Variants in ADGRV1 observed in about 807,000 individuals in gnomAD.
ADGRV1 encodes adhesion G protein-coupled receptor V1.
A neutral mutation model predicts 596.2 loss-of-function variants in ADGRV1; 359 were observed. The ratio of observed to expected loss-of-function variants is 0.60; its 90% CI spans 0.55 to 0.66. ADGRV1 has a LOEUF of 0.66. Among genes scored for constraint, ADGRV1 ranks in the 30% least tolerant of loss-of-function variants. ADGRV1 has a pLI of 0.00. For synonymous variants in ADGRV1, 2,681 were observed against 2,679.2 expected (o/e 1.00, Z -0.02); for missense variants, 7,274 against 7,575.6 (o/e 0.96, Z 1.48).
At chr5:90,581,511 G>C (rs1005190963) in intron 1 of ADGRV1, among the ~76,000 whole-genome samples, 2 of 152,162 alleles carry the variant, frequency 1.3e-5, no homozygotes, top group African/African-American at 4.8e-5. Flanking sequence ...TAACAGTCAA[G>C]TCCCTCATCT....
intron 68 of ADGRV1, 63 bp from the exon 69 acceptor site, chr5:90,789,639 G>A (rs572298319): frequency 3.3e-5 from 32 of 959,074 alleles, no homozygotes; most frequent in Middle Eastern, 3.1e-4. Context: ...TTAATATGTT[G>A]GATACTATAA....
intron 83 of ADGRV1, among the ~76,000 whole-genome samples, chr5:90,866,223 C>G (rs560740286): frequency 1.6e-4 from 24 of 152,032 alleles, no homozygotes; most frequent in African/African-American, 5.3e-4. Flanking sequence ...GTCCGTGAAT[C>G]AGAAAGTCAG....
intron 50 of ADGRV1, among the ~76,000 whole-genome samples, chr5:90,743,987 C>T (rs1272546653): frequency 2.0e-5 from 1 of 49,402 alleles, no homozygotes; most frequent in Non-Finnish European, 3.8e-5. Flanking sequence ...ACCCTATTAA[C>T]TGATATATAT....
intron 85 of ADGRV1, among the ~76,000 whole-genome samples, chr5:90,985,997 A>G (rs1168346136): frequency 6.6e-6 from 1 of 151,738 alleles, no homozygotes; most frequent in Non-Finnish European, 1.5e-5. Context: ...ACAAGACAAG[A>G]TCACCTTGGT....
At position 90,774,320 on chromosome 5, in the gene ADGRV1, T is replaced by C; in HGVS notation, c.12403+17T>C. On this transcript the variant is annotated intron_variant, in intron 60 of 89. Coordinates refer to ENST00000405460, the MANE Select transcript of ADGRV1 (RefSeq NM_032119.4). ...CAGTAAAAGGTAAGAGAAATTCACA[T>C]TTTTGGAAATTAAAAAGTAAATTCT... The C allele has an allele frequency of 1.5e-6, 2 of 1,378,230 alleles. No homozygotes were observed. The highest frequency in any genetic ancestry group is 2.1e-6 in the Non-Finnish European group (2 of 968,588). 85.4% of individuals were successfully genotyped at this position (1,378,230 alleles called of 1,614,324 possible). A position where few individuals can be genotyped will look rare whatever the true frequency, so the allele number is the denominator to read the frequency against.
At chr5:91,009,635 A>G (rs1782564376) in intron 85 of ADGRV1, among the ~76,000 whole-genome samples, 1 of 151,364 alleles carries the variant, frequency 6.6e-6, no homozygotes, top group Non-Finnish European at 1.5e-5. Flanking sequence ...TCTAAAAGCT[A>G]TAACTTTTGA....
At chr5:90,568,383 T>C (rs1755933766) in intron 1 of ADGRV1, among the ~76,000 whole-genome samples, 1 of 152,182 alleles carries the variant, frequency 6.6e-6, no homozygotes, top group Admixed American at 6.5e-5. Context: ...TTTGGTCATT[T>C]AGGAGTGTGC....
At chr5:90,954,814 A>T (rs6875416) in intron 83 of ADGRV1, among the ~76,000 whole-genome samples, 26,503 of 152,100 alleles carry the variant, frequency 0.17, 2,543 homozygotes, top group Non-Finnish European at 0.21. Context: ...TTTGTGGCTT[A>T]GGAAGCAGAG....
chr5:91,095,534 G>A (rs907328895), intron 86 of ADGRV1, among the ~76,000 whole-genome samples: 1 of 152,070 alleles, frequency 6.6e-6, no homozygotes, highest in African/African-American at 2.4e-5. Flanking sequence ...TATTTGCTGA[G>A]AACAGTGGGG....
At chr5:90,668,643 GT>G (rs926925427) in intron 21 of ADGRV1, among the ~76,000 whole-genome samples, 1 of 151,794 alleles carries the variant, frequency 6.6e-6, no homozygotes, top group African/African-American at 2.4e-5. Flanking sequence ...CCCCCTGGTA[GT>G]TTTTTTTAAT....
rs1334547636 is a variant in ADGRV1, at chr5:90,625,199, G to A, written c.628G>A (p.Gly210Ser). The change falls in exon 6 of 90, where the codon GGC becomes AGC. Residue 210 changes from glycine (G) to serine (S), a missense_variant. By Grantham distance (56) the Gly-to-Ser change is moderately conservative. This residue lies in a region of ADGRV1 where 1,715 missense variants were observed against 1,708.8 expected (regional missense o/e 1.00). Coordinates refer to ENST00000405460, the MANE Select transcript of ADGRV1 (RefSeq NM_032119.4). ...TAAAGGAAATATCACCTTTCCCCCT[G>A]GCAGAGCAACAGTAATTTATAACTT... ...PVKGNITFPP[G>S]RATVIYNLTV... The A allele has an allele frequency of 1.9e-6, 3 of 1,613,440 alleles. No homozygotes were observed. The highest frequency in any genetic ancestry group is 2.5e-6 in the Non-Finnish European group (3 of 1,179,656).
chr5:90,814,966 C>CCCTA (rs150921064), intron 74 of ADGRV1, among the ~76,000 whole-genome samples: 8,023 of 144,068 alleles, frequency 0.056, 702 homozygotes, highest in African/African-American at 0.19. Flanking sequence ...ATAGTATGAA[C>CCCTA]CCTAGTTTTG....
chr5:91,013,900 G>A (rs545787959), intron 85 of ADGRV1, among the ~76,000 whole-genome samples: 40 of 151,868 alleles, frequency 2.6e-4, no homozygotes, highest in Non-Finnish European at 5.0e-4. Flanking sequence ...TAAGGAAGCA[G>A]TCCAGCTTCA....
In ADGRV1 at chr5:91,145,082, C is replaced by CA. The variant is rs148780413; in HGVS notation, c.18433-4945dup. ...TTGCCCAGCTTGGGCTGGACACAGG[C>CA]AAATGTCATACAATCTGCGTTTAAA... On this transcript the variant is annotated intron_variant, in intron 87 of 89. Transcript: ENST00000405460. Among the ~76,000 whole-genome samples the CA allele has an allele frequency of 4.6e-3, 702 of 152,308 alleles. 47 individuals carry two copies. In the East Asian group the frequency reaches 0.12, roughly 26 times the overall value.
chr5:90,750,955 A>G (rs1755183260), intron 53 of ADGRV1, among the ~76,000 whole-genome samples: 1 of 152,208 alleles, frequency 6.6e-6, no homozygotes, highest in Admixed American at 6.5e-5. Context: ...CGTTGGCCAC[A>G]TTGTGGGTGC....
At chr5:90,814,552 C>T (rs576319287) in intron 74 of ADGRV1, among the ~76,000 whole-genome samples, 1 of 152,068 alleles carries the variant, frequency 6.6e-6, no homozygotes, top group East Asian at 1.9e-4. Context: ...GGCAGTTTCC[C>T]CCATGCTGTT....
chr5:90,631,412 C>T (rs537239455), intron 9 of ADGRV1, among the ~76,000 whole-genome samples: 1 of 152,136 alleles, frequency 6.6e-6, no homozygotes, highest in Non-Finnish European at 1.5e-5. Context: ...TAGTGGGTGA[C>T]CTGTTACGGG....
At chr5:91,112,328 T>C (rs1792445043) in intron 87 of ADGRV1, among the ~76,000 whole-genome samples, 2 of 152,324 alleles carry the variant, frequency 1.3e-5, no homozygotes, top group South Asian at 4.1e-4. Context: ...TTTTAATCTT[T>C]TAGGTTTTTT....
chr5:90,785,520 A>G (rs1342681188), intron 67 of ADGRV1, among the ~76,000 whole-genome samples: 1 of 152,248 alleles, frequency 6.6e-6, no homozygotes, highest in Admixed American at 6.5e-5. Context: ...ACAAAGGGCT[A>G]ATATCCAGAA....
Sources: allele counts gnomAD v4.1 joint callset (sites outside exome capture counted in the v4.1 genomes callset), GRCh38; gene constraint gnomAD v4.1.1; regional missense constraint gnomAD v4.1.1; transcripts MANE v1.5; gene names NCBI Gene and HGNC (gene_info 2026-07-23, HGNC 2026-07-21).